WDR33: variants seen among roughly 807,000 people sequenced by gnomAD.
The protein encoded by WDR33 is pre-mRNA 3' end processing protein WDR33.
Under a neutral mutation model 164.9 loss-of-function variants are expected in WDR33, and 47 were observed. The observed-to-expected ratio is 0.29, with a 90% CI of 0.23 to 0.36. WDR33 has a LOEUF of 0.36. Ranked by LOEUF, WDR33 falls within the 10% of genes least tolerant of loss-of-function variation. The pLI is 1.00. For missense variants in WDR33, 1,137 were observed against 1,754.1 expected (o/e 0.65, Z 6.28); for synonymous variants, 505 against 589.0 (o/e 0.86, Z 2.06).
At position 127,708,358 on chromosome 2, in the gene WDR33, G is replaced by A. The variant is rs887883151; in HGVS notation, c.3781+319C>T. Among the ~76,000 whole-genome samples, 2 of 152,238 alleles carry A rather than the reference G, an allele frequency of 1.3e-5. No individual in the cohort carries two copies. Among genetic ancestry groups the A allele is most frequent in the African/African-American group, 4.8e-5 (2 of 41,462 alleles). ...CCCCTCCCACTGAGAGCCCTTGAGGGTTCCAAGCAGCCTTGTGGAGGGCAG... is the reference window on the plus strand; with the variant it reads ...CCCCTCCCACTGAGAGCCCTTGAGGATTCCAAGCAGCCTTGTGGAGGGCAG... On this transcript the variant is annotated intron_variant, in intron 21 of 21. Transcript: ENST00000322313. This position sits in a 1 kb window ranked among gnomAD's most constrained non-coding sequence, Gnocchi z 6.7.
intron 7 of WDR33, among the ~76,000 whole-genome samples, chr2:127,749,661 C>CA (rs1212240477): frequency 0.018 from 1,494 of 80,870 alleles, 15 homozygotes; most frequent in African/African-American, 0.021. Flanking sequence ...GACTCCACCT[C>CA]AAAAAAAAAA....
intron 1 of WDR33, among the ~76,000 whole-genome samples, chr2:127,784,048 T>G (rs1688472307): frequency 6.6e-6 from 1 of 152,232 alleles, no homozygotes; most frequent in South Asian, 2.1e-4. Context: ...ACTCATTACC[T>G]TTCCTTTCCC....
rs760977290 is a variant in WDR33, at chr2:127,722,014, T to C, written c.1519-26A>G. On this transcript the variant is annotated intron_variant, in intron 14 of 21. Coordinates refer to ENST00000322313, the MANE Select transcript of WDR33 (RefSeq NM_018383.5). This position sits in a 1 kb window ranked among gnomAD's most constrained non-coding sequence, Gnocchi z 5.1. ...CTTGGGAAAGAAGAGAATATTAAAA[T>C]GTACGCTAAGTATGAAAATTACAAT... 3.1e-6 allele frequency: 5 copies of C among 1,605,752 alleles called. No individual in the cohort carries two copies. In the Admixed American group the frequency reaches 7.0e-5, roughly 22 times the overall value.
At position 127,725,331 on chromosome 2, in the gene WDR33, T is replaced by C. The variant is rs925291672; in HGVS notation, c.852-116A>G. The C allele has an allele frequency of 1.1e-5, 11 of 984,606 alleles. No individual in the cohort carries two copies. In the African/African-American group the frequency reaches 1.3e-4, roughly 12 times the overall value. 61.0% of individuals were successfully genotyped at this position (984,606 alleles called of 1,614,324 possible). A position where few individuals can be genotyped will look rare whatever the true frequency, so the allele number is the denominator to read the frequency against. ...GGCAAGAGGTTTGGCCTAGAAGCAA[T>C]AAAGCCTGTAACATTAAAGGATCAC... On this transcript the variant is annotated intron_variant, in intron 8 of 21. Transcript: ENST00000322313.
In WDR33 at chr2:127,735,957, G is replaced by C. The variant is rs1445242183; in HGVS notation, c.725-9180C>G. The C allele has an allele frequency of 2.0e-6, 2 of 985,298 alleles. No individual in the cohort carries two copies. Among genetic ancestry groups the C allele is most frequent in the Non-Finnish European group, 2.4e-6 (2 of 829,932 alleles). 61.0% of individuals were successfully genotyped at this position (985,298 alleles called of 1,614,324 possible). A position where few individuals can be genotyped will look rare whatever the true frequency, so the allele number is the denominator to read the frequency against. On this transcript the variant is annotated intron_variant, in intron 7 of 21. Coordinates refer to ENST00000322313, the MANE Select transcript of WDR33 (RefSeq NM_018383.5). This position sits in a 1 kb window ranked among gnomAD's most constrained non-coding sequence, Gnocchi z 4.3. Reference sequence around the variant, plus strand: ...AAATGGAAAGTTAATTCTGGAAAGGGGGTATGCCTAGGCAGGGCAGTGTTT... The same window carrying C: ...AAATGGAAAGTTAATTCTGGAAAGGCGGTATGCCTAGGCAGGGCAGTGTTT...
Position 127,702,019 on chromosome 2 carries a change from G to A in WDR33, c.*4304C>T. ...ACGCTGTTCGCCGCGCTGGGCCTTC[G>A]CAGCACGCTGCTCACGGTGCTGGGC... On this transcript the variant is annotated 3_prime_UTR_variant, in exon 22 of 22. Coordinates refer to ENST00000322313, the MANE Select transcript of WDR33 (RefSeq NM_018383.5). 4 of 1,296,410 alleles carry A rather than the reference G, an allele frequency of 3.1e-6. No homozygotes were observed. Among genetic ancestry groups the A allele is most frequent in the Non-Finnish European group, 3.9e-6 (4 of 1,025,022 alleles). 80.3% of individuals were successfully genotyped at this position (1,296,410 alleles called of 1,614,324 possible). A position where few individuals can be genotyped will look rare whatever the true frequency, so the allele number is the denominator to read the frequency against.
At chr2:127,736,834 A>C (rs1686860043) in intron 7 of WDR33, 1 of 985,382 alleles carries the variant, frequency 1.0e-6, no homozygotes. Context: ...CTGCTGTTAA[A>C]CTCTTTTACA....
chr2:127,744,165 T>C (rs1687104218), intron 7 of WDR33, among the ~76,000 whole-genome samples: 1 of 152,250 alleles, frequency 6.6e-6, no homozygotes, highest in African/African-American at 2.4e-5. Context: ...TCATCGTTGA[T>C]GACTTCCTGG....
At chr2:127,737,822 T>C (rs868132811) in intron 7 of WDR33, 99 of 1,357,002 alleles carry the variant, frequency 7.3e-5, no homozygotes, top group Middle Eastern at 4.2e-4. Flanking sequence ...TACACTTCTT[T>C]TTAATTGAGA....
chr2:127,754,554 G>A (rs112636736), intron 7 of WDR33, among the ~76,000 whole-genome samples: 6,085 of 151,622 alleles, frequency 0.04, 362 homozygotes, highest in African/African-American at 0.13. Context: ...GAGTAGCTGG[G>A]ACTACATGTG....
At chr2:127,725,982 A>G (rs142197021) in intron 8 of WDR33, among the ~76,000 whole-genome samples, 1 of 152,362 alleles carries the variant, frequency 6.6e-6, no homozygotes, top group Non-Finnish European at 1.5e-5. Flanking sequence ...CCTGGCCTGC[A>G]CAATGGATAT....
Position 127,702,212 on chromosome 2 carries a change from A to G in WDR33, c.*4111T>C. On this transcript the variant is annotated 3_prime_UTR_variant, in exon 22 of 22. Transcript: ENST00000322313. ...CCCTCGCCGCTGGGGAAGTACGCGG[A>G]GCCAGCGCCGTCGGAGACCGCGCCG... 8.3e-7 allele frequency: 1 copy of G among 1,208,206 alleles called. No individual in the cohort carries two copies. 74.8% of individuals were successfully genotyped at this position (1,208,206 alleles called of 1,614,324 possible).
chr2:127,774,069 T>A (rs962830156), intron 1 of WDR33, among the ~76,000 whole-genome samples: 35 of 141,854 alleles, frequency 2.5e-4, no homozygotes, highest in East Asian at 1.0e-3. Context: ...TTTTTTTTTT[T>A]AAGACAGAGT....
chr2:127,768,933 A>C lies in WDR33; in HGVS notation c.273T>G (p.Asp91Glu). ...CTAGTATGACACATCATGTACTTAC[A>C]TCATTGTAATAACCTGCATCAGGCT... ...AIQPDAGYYN[D>E]LVPPIGMLNN... is the part of the protein sequence containing the mutation. The change falls in exon 3 of 22, where the codon GAT (aspartate) becomes GAG (glutamate). Residue 91 changes from aspartate (D) to glutamate (E), a missense_variant and splice_region_variant. Around this residue, in one of 9 missense-constraint regions of WDR33, gnomAD observed 55 missense variants for 84.6 expected, o/e 0.65. Coordinates refer to ENST00000322313, the MANE Select transcript of WDR33 (RefSeq NM_018383.5). The C allele has an allele frequency of 6.3e-7, 1 of 1,595,376 alleles. No individual in the cohort carries two copies.
intron 7 of WDR33, among the ~76,000 whole-genome samples, chr2:127,754,307 C>T (rs368859407): frequency 1.4e-4 from 22 of 152,278 alleles, no homozygotes; most frequent in South Asian, 4.1e-4. Flanking sequence ...TCCGACCATC[C>T]GTCTGAAAAG....
At chr2:127,771,031 T>C (rs1687986104) in intron 1 of WDR33, 27 bp from the exon 2 acceptor site, 1 of 1,565,660 alleles carries the variant, frequency 6.4e-7, no homozygotes, top group African/African-American at 1.4e-5. Context: ...GTACTTTCAC[T>C]ACAAATATCA....
chr2:127,709,772 A>C lies in WDR33; in HGVS notation c.3393T>G (p.Gly1131=), dbSNP rs1399347321. Residue 1131 remains glycine, a synonymous_variant, in exon 19 of 22, where the codon GGT becomes GGG. Transcript: ENST00000322313. This position sits in a 1 kb window ranked among gnomAD's most constrained non-coding sequence, Gnocchi z 5.0. The stretch of plus-strand genomic sequence containing the variant: ...CAGAAGCATCAAAATTCTCCTCTGG[A>C]CCAAAGTCTTCAGGACCAGGAAAAC... ...RDGFPGPEDF[G]PEENFDASEE... The C allele has an allele frequency of 6.2e-7, 1 of 1,614,160 alleles. No homozygotes were observed. Among genetic ancestry groups the C allele is most frequent in the Non-Finnish European group, 8.5e-7 (1 of 1,180,038 alleles).
At chr2:127,757,597 A>G (rs908549527) in intron 7 of WDR33, among the ~76,000 whole-genome samples, 1 of 152,218 alleles carries the variant, frequency 6.6e-6, no homozygotes, top group Admixed American at 6.5e-5. Context: ...TACTAAAAGC[A>G]TGCTAAGTCA....
chr2:127,746,018 C>CT, intron 7 of WDR33, among the ~76,000 whole-genome samples: 1 of 141,344 alleles, frequency 7.1e-6, no homozygotes, highest in South Asian at 2.3e-4. Flanking sequence ...GAGCGAGACT[C>CT]TGTCTCTAAA....
Sources: gnomAD v4.1 joint callset for allele counts (sites outside exome capture counted in the v4.1 genomes callset) on GRCh38, gnomAD v4.1.1 for gene constraint, gnomAD v4.1.1 regional missense constraint, Gnocchi (gnomAD v3.1) non-coding constraint, MANE v1.5 for transcripts, NCBI Gene and HGNC (gene_info 2026-07-23, HGNC 2026-07-21) for gene names.